RC3H2: variants seen among roughly 807,000 people sequenced by gnomAD.
RC3H2 encodes the protein ring finger and CCCH-type domains 2, also known as roquin-2.
In RC3H2, 31 loss-of-function variants were observed where a neutral mutation model predicts 133.3. The observed-to-expected ratio is 0.23, with a 90% CI of 0.17 to 0.31. RC3H2 has a LOEUF of 0.31. Ranked by LOEUF, RC3H2 falls within the 10% of genes least tolerant of loss-of-function variation. The pLI is 1.00. For synonymous variants in RC3H2, 517 were observed against 502.2 expected (o/e 1.03, Z -0.40); for missense variants, 1,175 against 1,437.2 (o/e 0.82, Z 2.95).
Position 122,865,565 on chromosome 9 carries a change from G to A in RC3H2, c.1418C>T (p.Ala473Val). The stretch of plus-strand genomic sequence containing the variant: ...TCCTATGACAGAAATGACATTTCCG[G>A]CTGTGGTTGTGACAGTGTTGTTTAC... ...VGVNNTVTTT[A>V]GNVISVIGST... is the part of the protein sequence containing the mutation. The change falls in exon 10 of 21, where the codon GCC becomes GTC. Residue 473 changes from alanine (A) to valine (V), a missense_variant. Transcript: ENST00000357244. The A allele has an allele frequency of 6.2e-7, 1 of 1,614,070 alleles. No homozygotes were observed. The highest frequency in any genetic ancestry group is 8.5e-7 in the Non-Finnish European group (1 of 1,179,982).
intron 3 of RC3H2, among the ~76,000 whole-genome samples, chr9:122,892,460 G>C (rs1367903833): frequency 6.6e-6 from 1 of 151,624 alleles, no homozygotes; most frequent in South Asian, 2.1e-4. Context: ...GCCCCAGGCT[G>C]GAGTGCAGTG....
intron 9 of RC3H2, among the ~76,000 whole-genome samples, chr9:122,868,351 G>A (rs1830840992): frequency 1.3e-5 from 2 of 152,238 alleles, no homozygotes; most frequent in Admixed American, 6.5e-5. Flanking sequence ...CCGTGTCTGT[G>A]TGGAAAGAAG....
In RC3H2 at chr9:122,855,846, T is replaced by C. The variant is rs1392995898; in HGVS notation, c.2487A>G (p.Glu829=). 6.2e-7 allele frequency: 1 copy of C among 1,613,472 alleles called. No homozygotes were observed. Among genetic ancestry groups the C allele is most frequent in the Non-Finnish European group, 8.5e-7 (1 of 1,179,738 alleles). ...GAGAATAATGGGAAAGATGATCTTC[T>C]TCAAATTTTGTACCACTCACACTCT... ...FSESVSGTKF[E]EDHLSHYSPW... is the part of the protein sequence containing the mutation. Residue 829 remains glutamate, a synonymous_variant, in exon 14 of 21, where the codon GAA becomes GAG. Transcript: ENST00000357244.
intron 1 of RC3H2, among the ~76,000 whole-genome samples, chr9:122,900,109 C>T (rs1832598251): frequency 6.6e-6 from 1 of 152,114 alleles, no homozygotes; most frequent in Non-Finnish European, 1.5e-5. Flanking sequence ...TACAATAGTC[C>T]TTAGTATAGT....
chr9:122,898,617 C>T (rs1245238480), intron 1 of RC3H2, among the ~76,000 whole-genome samples: 2 of 152,010 alleles, frequency 1.3e-5, no homozygotes, highest in Non-Finnish European at 2.9e-5. Flanking sequence ...GACGTGGTGG[C>T]ACATGCCTGT....
In RC3H2 at chr9:122,851,085, T is replaced by C. The variant is rs1231134061; in HGVS notation, c.3376A>G (p.Ile1126Val). The C allele has an allele frequency of 6.2e-7, 1 of 1,614,100 alleles. No individual in the cohort carries two copies. The highest frequency in any genetic ancestry group is 8.5e-7 in the Non-Finnish European group (1 of 1,180,006). Residue 1126 changes from isoleucine (I) to valine (V), a missense_variant, in exon 20 of 21, where the codon ATT becomes GTT. Coordinates refer to ENST00000357244, the MANE Select transcript of RC3H2 (RefSeq NM_001100588.3). Reference sequence around the variant, plus strand: ...AATTTTCTGTCTAACACTCACAGAATCACATGGTCTTCACCTAAACTCTGT... The same window carrying C: ...AATTTTCTGTCTAACACTCACAGAACCACATGGTCTTCACCTAAACTCTGT... ...KKQSLGEDHV[I>V]LEEQKTILPV...
At chr9:122,899,090 G>GGTTTTTTTTTT (rs1564322863) in intron 1 of RC3H2, among the ~76,000 whole-genome samples, 1 of 88,410 alleles carries the variant, frequency 1.1e-5, no homozygotes, top group African/African-American at 4.8e-5. Flanking sequence ...CCTTTATTGT[G>GGTTTTTTTTTT]TTTTTTTTTT....
chr9:122,880,317 C>T (rs373385496), intron 6 of RC3H2, 192 bp from the exon 7 acceptor site: 2 of 830,748 alleles, frequency 2.4e-6, no homozygotes, highest in Non-Finnish European at 4.1e-6. Flanking sequence ...ACTTAGAAAA[C>T]TTATAAGCTG....
chr9:122,869,308 T>A lies in RC3H2; in HGVS notation c.1326-3651A>T, dbSNP rs188689417. Among the ~76,000 whole-genome samples, 16 of 152,318 alleles carry A rather than the reference T, an allele frequency of 1.1e-4. No homozygotes were observed. In the East Asian group the frequency reaches 2.9e-3, roughly 28 times the overall value. On this transcript the variant is annotated intron_variant, in intron 9 of 20. Coordinates refer to ENST00000357244, the MANE Select transcript of RC3H2 (RefSeq NM_001100588.3). Reference sequence around the variant, plus strand: ...TATATGCCTAAAGTAATGTTATTAATGTTATATATAAACATATGGTAATTA... The same window carrying A: ...TATATGCCTAAAGTAATGTTATTAAAGTTATATATAAACATATGGTAATTA...
At chr9:122,864,507 T>C (rs952576952) in intron 10 of RC3H2, among the ~76,000 whole-genome samples, 7 of 152,102 alleles carry the variant, frequency 4.6e-5, no homozygotes, top group Admixed American at 4.6e-4. Flanking sequence ...ATAATTCTAG[T>C]TTTATGAAGG....
At chr9:122,872,828 C>A (rs983182887) in intron 9 of RC3H2, among the ~76,000 whole-genome samples, 1 of 152,216 alleles carries the variant, frequency 6.6e-6, no homozygotes, top group African/African-American at 2.4e-5. Context: ...TCAAGTGATA[C>A]ACCAGCCTTG....
chr9:122,874,623 T>A (rs1419747708), intron 9 of RC3H2: 1 of 152,312 alleles, frequency 6.6e-6, no homozygotes, highest in Non-Finnish European at 1.5e-5. Context: ...GTTCAAGCAA[T>A]CCTCCCACCT....
At position 122,851,565 on chromosome 9, in the gene RC3H2, T is replaced by G. The variant is rs981762014; in HGVS notation, c.3118-129A>C. 2.4e-6 allele frequency: 3 copies of G among 1,255,568 alleles called. No individual in the cohort carries two copies. The African/African-American group carries it at 4.5e-5, about 19-fold the overall frequency. The allele number at this position is 1,255,568 out of a possible 1,614,324, so 77.8% of individuals were successfully genotyped here. A position where few individuals can be genotyped will look rare whatever the true frequency, so the allele number is the denominator to read the frequency against. On this transcript the variant is annotated intron_variant, in intron 18 of 20. Transcript: ENST00000357244. ...ATGCCGAGCCGAAGCTGGACTATAC[T>G]GCTGCCATCTCGGCTCACTGCAACC...
Position 122,855,881 on chromosome 9 carries a change from G to A in RC3H2, c.2455-3C>T. On this transcript the variant is annotated splice_region_variant and splice_polypyrimidine_tract_variant and intron_variant, in intron 13 of 20. Transcript: ENST00000357244. ...GTACCACTCACACTCTCTGAGAACTGGTTAAAAAAAAATAAATAAAGCCAA... is the reference window on the plus strand; with the variant it reads ...GTACCACTCACACTCTCTGAGAACTAGTTAAAAAAAAATAAATAAAGCCAA... 6.3e-7 allele frequency: 1 copy of A among 1,590,120 alleles called. No homozygotes were observed.
intron 3 of RC3H2, among the ~76,000 whole-genome samples, chr9:122,892,199 C>A (rs963705593): frequency 1.3e-5 from 2 of 151,954 alleles, no homozygotes; most frequent in Non-Finnish European, 2.9e-5. Context: ...GCAGCCTCAA[C>A]TTCCTGGGCT....
At chr9:122,880,388 T>C in intron 6 of RC3H2, 2 of 694,656 alleles carry the variant, frequency 2.9e-6, no homozygotes, top group Non-Finnish European at 5.0e-6. Flanking sequence ...TCACTGCTTT[T>C]ATGCTAGTAT....
chr9:122,868,100 C>T (rs1588074054), intron 9 of RC3H2, among the ~76,000 whole-genome samples: 1 of 142,494 alleles, frequency 7.0e-6, no homozygotes, highest in East Asian at 2.2e-4. Context: ...GGCCAGCCAC[C>T]CCGTCCAGGA....
chr9:122,849,716 C>G lies in RC3H2; in HGVS notation c.3487G>C (p.Gly1163Arg). ...ACATGAGTTTTCAGAATGAGGTTGC[C>G]AGCACTGACAGATGTGGTGATGGGG... is the stretch of plus-strand genomic sequence containing the variant. The part of the protein sequence containing the change: ...CLPITTSVSA[G>R]NLILKTHVMS... The change falls in exon 21 of 21, where the codon GGC (glycine) becomes CGC (arginine). Residue 1163 changes from glycine to arginine, a missense_variant. Coordinates refer to ENST00000357244, the MANE Select transcript of RC3H2 (RefSeq NM_001100588.3). 1 of 1,609,924 alleles carries G rather than the reference C, an allele frequency of 6.2e-7. No individual in the cohort carries two copies. The highest frequency in any genetic ancestry group is 8.5e-7 in the Non-Finnish European group (1 of 1,178,112).
rs1485637143 is a variant in RC3H2, at chr9:122,853,186, T to A, written c.3117+766A>T. Among the ~76,000 whole-genome samples, 3 of 151,762 alleles carry A rather than the reference T, an allele frequency of 2.0e-5. No individual in the cohort carries two copies. In the South Asian group the frequency reaches 6.2e-4, roughly 32 times the overall value. On this transcript the variant is annotated intron_variant, in intron 18 of 20. Coordinates refer to ENST00000357244, the MANE Select transcript of RC3H2 (RefSeq NM_001100588.3). ...GTTAAACAGATGCTTGAAGGCAGCA[T>A]GCTCATTAAGAGTCATCACCACTCC...
Sources: gnomAD v4.1 joint callset for allele counts (sites outside exome capture counted in the v4.1 genomes callset) on GRCh38, gnomAD v4.1.1 for gene constraint, MANE v1.5 for transcripts, NCBI Gene and HGNC (gene_info 2026-07-23, HGNC 2026-07-21) for gene names.